FANK1: variants seen among roughly 807,000 people sequenced by gnomAD.
The protein encoded by FANK1 is fibronectin type III and ankyrin repeat domains 1, also known as fibronectin type 3 and ankyrin repeat domains protein 1.
A neutral mutation model predicts 45.3 loss-of-function variants in FANK1; 44 were observed. That is an observed-to-expected ratio of 0.97 (90% CI 0.76 to 1.25). FANK1 has a LOEUF of 1.25. Ranked by LOEUF, FANK1 falls within the 50% of genes most tolerant of loss-of-function variation. The pLI, the probability that FANK1 is intolerant of heterozygous loss-of-function variation, is 0.00. For missense variants in FANK1, 391 were observed against 424.4 expected (o/e 0.92, Z 0.69); for synonymous variants, 149 against 152.5 (o/e 0.98, Z 0.17).
In FANK1 at chr10:125,980,262, G is replaced by A. The variant is rs780792313; in HGVS notation, c.115G>A (p.Gly39Arg). The change falls in exon 2 of 11, where the codon GGA (glycine) becomes AGA (arginine). Residue 39 changes from glycine (G) to arginine (R), a missense_variant. Transcript: ENST00000368693. ...WDLEKKAKRQ[G>R]PQEQWFRFSI... ...TCTGGAAAAGAAAGCCAAACGCCAA[G>A]GACCTCAAGAGCAGTGGTTCAGGTT... 1 of 1,614,132 alleles carries A rather than the reference G, an allele frequency of 6.2e-7. No individual in the cohort carries two copies. The highest frequency in any genetic ancestry group is 1.1e-5 in the South Asian group (1 of 91,080).
At chr10:125,978,094 T>A (rs1326598946) in intron 1 of FANK1, among the ~76,000 whole-genome samples, 3 of 152,032 alleles carry the variant, frequency 2.0e-5, no homozygotes, top group African/African-American at 7.2e-5. Context: ...TGTGGTATGC[T>A]TGGGGCCTGC....
At chr10:125,899,270 G>A (rs76318864) in intron 1 of FANK1, among the ~76,000 whole-genome samples, 1,526 of 95,218 alleles carry the variant, frequency 0.016, no homozygotes, top group African/African-American at 0.022. Flanking sequence ...ATGTTGGTCC[G>A]GCTGGTCTTG....
intron 1 of FANK1, among the ~76,000 whole-genome samples, chr10:125,920,040 A>G (rs1946834258): frequency 1.3e-5 from 2 of 152,212 alleles, no homozygotes; most frequent in Non-Finnish European, 2.9e-5. Flanking sequence ...GCCCTGTCTA[A>G]TAATACAGAG....
At chr10:125,915,644 C>T (rs184717595) in intron 1 of FANK1, among the ~76,000 whole-genome samples, 2 of 152,274 alleles carry the variant, frequency 1.3e-5, no homozygotes, top group Admixed American at 6.5e-5. Context: ...GACCCTGTCT[C>T]TACAAAAAAA....
At chr10:125,953,009 C>T (rs1162397156) in intron 1 of FANK1, among the ~76,000 whole-genome samples, 1 of 152,152 alleles carries the variant, frequency 6.6e-6, no homozygotes, top group African/African-American at 2.4e-5. Flanking sequence ...GGATACTGGT[C>T]AGCCTCTGTT....
At chr10:125,945,287 C>G (rs1036416825) in intron 1 of FANK1, among the ~76,000 whole-genome samples, 2 of 152,176 alleles carry the variant, frequency 1.3e-5, no homozygotes, top group African/African-American at 4.8e-5. Flanking sequence ...TCTACAGCTC[C>G]CAGTGTGAGC....
At chr10:125,902,102 A>G (rs561184336) in intron 1 of FANK1, among the ~76,000 whole-genome samples, 1 of 152,220 alleles carries the variant, frequency 6.6e-6, no homozygotes, top group African/African-American at 2.4e-5. Flanking sequence ...GTGGGAGACA[A>G]GAGCAATGTG....
chr10:125,931,374 A>C (rs895788420), intron 1 of FANK1, among the ~76,000 whole-genome samples: 1 of 152,192 alleles, frequency 6.6e-6, no homozygotes, highest in African/African-American at 2.4e-5. Flanking sequence ...CCACACCAGC[A>C]TCTACTGTTT....
chr10:126,001,419 A>G (rs1035789473), intron 6 of FANK1, among the ~76,000 whole-genome samples: 2 of 152,200 alleles, frequency 1.3e-5, no homozygotes, highest in African/African-American at 4.8e-5. Context: ...AACAAGAGAG[A>G]AAAGACGGGA....
chr10:125,904,191 G>C (rs1945287336), intron 1 of FANK1, among the ~76,000 whole-genome samples: 1 of 151,074 alleles, frequency 6.6e-6, no homozygotes, highest in South Asian at 2.1e-4. Flanking sequence ...CTCATGAAAA[G>C]TCAATCATTT....
At chr10:125,913,763 T>G (rs1301215398) in intron 1 of FANK1, among the ~76,000 whole-genome samples, 3 of 152,172 alleles carry the variant, frequency 2.0e-5, no homozygotes, top group Non-Finnish European at 2.9e-5. Flanking sequence ...TTCACCTGTA[T>G]CAGGGGAGGC....
Position 125,978,717 on chromosome 10 carries a change from G to T in FANK1, c.14-1444G>T, listed in dbSNP as rs1590140338. Among the ~76,000 whole-genome samples the T allele has an allele frequency of 2.0e-5, 3 of 152,206 alleles. No homozygotes were observed. The South Asian group carries it at 6.2e-4, about 32-fold the overall frequency. On this transcript the variant is annotated intron_variant, in intron 1 of 10. Coordinates refer to ENST00000368693, the MANE Select transcript of FANK1 (RefSeq NM_145235.5). Reference sequence around the variant, plus strand: ...AGGTGCCCAAACAGCAAAGCTGGTGGCCTGCCCCTCCCCCTGGGAGCTCCT... The same window carrying T: ...AGGTGCCCAAACAGCAAAGCTGGTGTCCTGCCCCTCCCCCTGGGAGCTCCT...
At chr10:125,981,613 T>C (rs1222987062) in intron 2 of FANK1, among the ~76,000 whole-genome samples, 1 of 152,350 alleles carries the variant, frequency 6.6e-6, no homozygotes, top group Non-Finnish European at 1.5e-5. Flanking sequence ...ATTTTGTGAT[T>C]CAGGAATACC....
intron 1 of FANK1, among the ~76,000 whole-genome samples, chr10:125,905,243 TC>T (rs1945408882): frequency 1.3e-5 from 2 of 152,306 alleles, no homozygotes; most frequent in East Asian, 3.8e-4. Flanking sequence ...GCCACTGCAC[TC>T]CAGCCTGGGC....
chr10:125,915,105 G>A (rs968489198), intron 1 of FANK1, among the ~76,000 whole-genome samples: 6 of 152,070 alleles, frequency 3.9e-5, no homozygotes, highest in African/African-American at 9.7e-5. Context: ...CTCCTGAGTC[G>A]GGGCCCAGTG....
chr10:125,937,069 C>CA lies in FANK1; in HGVS notation c.13+40425dup, dbSNP rs899811938. Among the ~76,000 whole-genome samples, 406 of 142,968 alleles carry CA rather than the reference C, an allele frequency of 2.8e-3. 2 individuals carry two copies. The highest frequency in any genetic ancestry group is 6.0e-3 in the African/African-American group (235 of 38,956). The allele number at this position is 142,968 out of a possible 152,430, so 93.8% of individuals were successfully genotyped here. ...CAACAACAAAAGCCAAACTCCGTCT[C>CA]AAAAAAAAAAATAAAATAATACCTC... On this transcript the variant is annotated intron_variant, in intron 1 of 10. Coordinates refer to ENST00000368693, the MANE Select transcript of FANK1 (RefSeq NM_145235.5).
chr10:125,942,002 A>C (rs1458687341), intron 1 of FANK1, among the ~76,000 whole-genome samples: 1 of 152,238 alleles, frequency 6.6e-6, no homozygotes, highest in Non-Finnish European at 1.5e-5. Flanking sequence ...TCTGGCCTTC[A>C]GATGGGGGCT....
intron 6 of FANK1, among the ~76,000 whole-genome samples, chr10:125,999,939 T>C (rs1952635022): frequency 6.6e-6 from 1 of 152,138 alleles, no homozygotes; most frequent in African/African-American, 2.4e-5. Context: ...CAGAATCAAC[T>C]TGAAAAACTT....
At chr10:125,908,173 T>C (rs1945698835) in intron 1 of FANK1, among the ~76,000 whole-genome samples, 1 of 152,026 alleles carries the variant, frequency 6.6e-6, no homozygotes, top group South Asian at 2.1e-4. Flanking sequence ...ATTTTGTATT[T>C]TTAGTAGAGA....
Sources: gnomAD v4.1 joint callset for allele counts (sites outside exome capture counted in the v4.1 genomes callset) on GRCh38, gnomAD v4.1.1 for gene constraint, MANE v1.5 for transcripts, NCBI Gene and HGNC (gene_info 2026-07-23, HGNC 2026-07-21) for gene names.